Variants in DOCK3 observed in about 807,000 individuals in gnomAD.
DOCK3 encodes dedicator of cytokinesis 3, also known as dedicator of cytokinesis protein 3.
DOCK3 carries 60 observed loss-of-function variants against 265.6 expected under a neutral mutation model. The ratio of observed to expected loss-of-function variants is 0.23; its 90% CI spans 0.18 to 0.28. The LOEUF is 0.28. Ranked by LOEUF, DOCK3 falls within the 10% of genes least tolerant of loss-of-function variation. DOCK3 has a pLI of 1.00. For missense variants in DOCK3, 1,981 were observed against 2,594.3 expected, an observed-to-expected ratio of 0.76 and a Z score of 5.14; for synonymous variants, 881 against 938.0, an observed-to-expected ratio of 0.94 and a Z score of 1.11.
At chr3:50,792,443 A>C (rs1176140023) in intron 2 of DOCK3, among the ~76,000 whole-genome samples, 2 of 152,006 alleles carry the variant, frequency 1.3e-5, no homozygotes, top group Non-Finnish European at 2.9e-5. Flanking sequence ...GATGCTGTTT[A>C]TTTCTTTTTC....
chr3:50,681,914 A>G (rs6779819), intron 1 of DOCK3, among the ~76,000 whole-genome samples: 119,251 of 152,170 alleles, frequency 0.78, 47,759 homozygotes, highest in Middle Eastern at 0.89. Flanking sequence ...TATTTGGCCT[A>G]TATTCAAACA....
intron 10 of DOCK3, among the ~76,000 whole-genome samples, chr3:51,154,887 G>T (rs2085771473): frequency 1.3e-5 from 2 of 152,134 alleles, no homozygotes; most frequent in Admixed American, 6.5e-5. Context: ...ATGTGCTCTT[G>T]TTCTGCCACA....
At chr3:51,165,739 C>T (rs1241155099) in intron 12 of DOCK3, among the ~76,000 whole-genome samples, 1 of 152,096 alleles carries the variant, frequency 6.6e-6, no homozygotes. Flanking sequence ...CACAGTGCCC[C>T]CTAGGCTTGT....
intron 2 of DOCK3, among the ~76,000 whole-genome samples, chr3:50,802,131 CT>C (rs1559656380): frequency 2.0e-5 from 3 of 152,010 alleles, no homozygotes; most frequent in Non-Finnish European, 4.4e-5. Context: ...TAGGGTCTTT[CT>C]TTTTTATCCA....
At chr3:51,147,322 T>A (rs1434569834) in intron 10 of DOCK3, among the ~76,000 whole-genome samples, 3 of 152,120 alleles carry the variant, frequency 2.0e-5, no homozygotes, top group South Asian at 4.1e-4. Context: ...ATTGGGGGAT[T>A]TTTTCCTACT....
At chr3:51,277,836 C>G in intron 26 of DOCK3, 82 bp downstream of exon 26, 3 of 1,548,348 alleles carry the variant, frequency 1.9e-6, no homozygotes, top group Non-Finnish European at 2.6e-6. Flanking sequence ...ATCTTACCAT[C>G]CCACCACCTT....
chr3:50,874,150 TCTC>T (rs2047584915), intron 3 of DOCK3, among the ~76,000 whole-genome samples: 3 of 151,786 alleles, frequency 2.0e-5, no homozygotes, highest in Admixed American at 6.6e-5. Context: ...TCCATCTTTT[TCTC>T]CTGTCATTGG....
chr3:50,962,391 G>A (rs1055886905), intron 5 of DOCK3, among the ~76,000 whole-genome samples: 1 of 152,122 alleles, frequency 6.6e-6, no homozygotes, highest in Non-Finnish European at 1.5e-5. Flanking sequence ...TAATGCTTTT[G>A]ACATTTTACA....
At chr3:51,294,492 C>T (rs368965528) in intron 27 of DOCK3, among the ~76,000 whole-genome samples, 10 of 152,048 alleles carry the variant, frequency 6.6e-5, no homozygotes, top group Admixed American at 5.2e-4. Context: ...TCCTGGCTAA[C>T]ATGGTGAAAC....
chr3:50,710,395 C>A (rs1362693610), intron 1 of DOCK3, among the ~76,000 whole-genome samples: 1 of 151,970 alleles, frequency 6.6e-6, no homozygotes. Context: ...TACAAATGGC[C>A]AACAAACATA....
At chr3:50,698,517 G>GGTTTTTTTTTTTTTT (rs2035792982) in intron 1 of DOCK3, among the ~76,000 whole-genome samples, 5 of 19,516 alleles carry the variant, frequency 2.6e-4, no homozygotes, top group Non-Finnish European at 4.7e-4. Context: ...TATGTTTTTG[G>GGTTTTTTTTTTTTTT]TTTTTTTTTT....
intron 27 of DOCK3, among the ~76,000 whole-genome samples, chr3:51,305,733 C>CATGT (rs760662613): frequency 7.4e-6 from 1 of 135,624 alleles, no homozygotes; most frequent in South Asian, 2.4e-4. Context: ...TGTGTGTGTG[C>CATGT]GCGTGTGTGT....
At chr3:50,932,389 CT>C (rs1000949916) in intron 4 of DOCK3, among the ~76,000 whole-genome samples, 10 of 149,372 alleles carry the variant, frequency 6.7e-5, no homozygotes, top group Admixed American at 1.3e-4. Flanking sequence ...TTTTCCTGTA[CT>C]TTTTTTTTTC....
intron 38 of DOCK3, among the ~76,000 whole-genome samples, chr3:51,345,412 A>T (rs1576880678): frequency 6.6e-6 from 1 of 152,142 alleles, no homozygotes; most frequent in Admixed American, 6.5e-5. Flanking sequence ...CGAGTTTGAG[A>T]CCAGCCGAGG....
chr3:51,010,375 GTCT>G (rs1315175975), intron 5 of DOCK3, among the ~76,000 whole-genome samples: 1 of 152,062 alleles, frequency 6.6e-6, no homozygotes, highest in Non-Finnish European at 1.5e-5. Flanking sequence ...TTATATAATA[GTCT>G]TCTTTGTCTC....
intron 9 of DOCK3, among the ~76,000 whole-genome samples, chr3:51,091,094 C>G (rs541267322): frequency 6.6e-6 from 1 of 152,272 alleles, no homozygotes; most frequent in Admixed American, 6.5e-5. Flanking sequence ...AAATGATGCA[C>G]CCATTGATCA....
At chr3:51,169,706 G>A (rs1441048415) in intron 12 of DOCK3, among the ~76,000 whole-genome samples, 3 of 150,682 alleles carry the variant, frequency 2.0e-5, no homozygotes, top group African/African-American at 7.3e-5. Context: ...TACCTATATA[G>A]CAAATCTGCA....
intron 5 of DOCK3, among the ~76,000 whole-genome samples, chr3:51,013,626 C>G (rs1315637383): frequency 6.6e-6 from 1 of 152,184 alleles, no homozygotes; most frequent in African/African-American, 2.4e-5. Context: ...ACTTGGCGGT[C>G]AGGGACCAAC....
chr3:50,814,864 C>T (rs1167001236), intron 2 of DOCK3, among the ~76,000 whole-genome samples: 4 of 151,686 alleles, frequency 2.6e-5, no homozygotes, highest in South Asian at 4.2e-4. Context: ...CTCGCTCTGC[C>T]GCCAGGCTGG....
Sources: allele counts gnomAD v4.1 joint callset (sites outside exome capture counted in the v4.1 genomes callset), GRCh38; gene constraint gnomAD v4.1.1; transcripts MANE v1.5; gene names NCBI Gene and HGNC (gene_info 2026-07-23, HGNC 2026-07-21).